TBC1D2B: variants seen among roughly 807,000 people sequenced by gnomAD.
The protein encoded by TBC1D2B is TBC1 domain family member 2B, also known as TBC1 domain family, member 2B.
TBC1D2B carries 64 observed loss-of-function variants against 100.8 expected under a neutral mutation model. That is an observed-to-expected ratio of 0.64 (90% CI 0.52 to 0.78). The LOEUF (loss-of-function observed/expected upper bound fraction) is 0.78. TBC1D2B is among the 30% of genes least tolerant of loss of function. The pLI, the probability that TBC1D2B is intolerant of heterozygous loss-of-function variation, is 0.00. For synonymous variants in TBC1D2B, 480 were observed against 479.7 expected, an observed-to-expected ratio of 1.00 and a Z score of -0.01; for missense variants, 1,052 against 1,218.4, an observed-to-expected ratio of 0.86 and a Z score of 2.03.
At chr15:78,028,774 C>G (rs2072735312) in intron 4 of TBC1D2B, among the ~76,000 whole-genome samples, 1 of 152,174 alleles carries the variant, frequency 6.6e-6, no homozygotes, top group South Asian at 2.1e-4. Flanking sequence ...GTTAAATGAC[C>G]CCACAGAAAT....
intron 9 of TBC1D2B, among the ~76,000 whole-genome samples, chr15:78,011,392 A>C (rs942425463): frequency 2.0e-5 from 3 of 152,216 alleles, no homozygotes; most frequent in African/African-American, 7.2e-5. Context: ...GTCAGCACTC[A>C]GAACTCCAGC....
chr15:78,037,076 A>T (rs540834791), intron 3 of TBC1D2B, among the ~76,000 whole-genome samples: 1 of 152,302 alleles, frequency 6.6e-6, no homozygotes, highest in East Asian at 1.9e-4. Context: ...CAAAGAAACC[A>T]AACATCTAAG....
In TBC1D2B at chr15:78,040,896, A is replaced by AAGAAAGAAAGAAAGAAAGAAAGAG. The variant is rs1273322028; in HGVS notation, c.683+4003_683+4004insCTCTTTCTTTCTTTCTTTCTTTCT. ...AAAGAAAGAAAGAGAGAGAGAGAGAAAGAAAGAAAGAAAGAAAAGGGAGGC... is the reference window on the plus strand; with the variant it reads ...AAAGAAAGAAAGAGAGAGAGAGAGAAAGAAAGAAAGAAAGAAAGAAAGAGAGAAAGAAAGAAAGAAAAGGGAGGC... On this transcript the variant is annotated intron_variant, in intron 3 of 12. Transcript: ENST00000300584. Among the ~76,000 whole-genome samples the AAGAAAGAAAGAAAGAAAGAAAGAG allele has an allele frequency of 2.7e-4, 39 of 145,324 alleles. No individual in the cohort carries two copies. The East Asian group carries it at 5.0e-3, about 19-fold the overall frequency.
intron 3 of TBC1D2B, among the ~76,000 whole-genome samples, chr15:78,041,229 C>T (rs979086889): frequency 1.3e-5 from 2 of 152,208 alleles, no homozygotes; most frequent in Non-Finnish European, 2.9e-5. Context: ...AACAACAATT[C>T]CTTTTTTATA....
At chr15:78,046,298 C>T (rs1334005422) in intron 2 of TBC1D2B, among the ~76,000 whole-genome samples, 2 of 152,202 alleles carry the variant, frequency 1.3e-5, no homozygotes, top group East Asian at 3.8e-4. Context: ...ACTGGTATTT[C>T]AGTGGTAGAA....
intron 11 of TBC1D2B, chr15:78,002,571 T>C (rs1452602837): frequency 6.6e-6 from 1 of 152,128 alleles, no homozygotes; most frequent in African/African-American, 2.4e-5. Context: ...CAAGCAGCTT[T>C]GGAACAAACT....
At chr15:78,031,551 C>A (rs2072809983) in intron 3 of TBC1D2B, among the ~76,000 whole-genome samples, 2 of 6,174 alleles carry the variant, frequency 3.2e-4, no homozygotes, top group Non-Finnish European at 2.9e-3. Flanking sequence ...AAGACTCTGT[C>A]TCCAAAAAAA....
chr15:78,014,241 C>T (rs1311947651), intron 8 of TBC1D2B, among the ~76,000 whole-genome samples: 1 of 152,202 alleles, frequency 6.6e-6, no homozygotes, highest in Non-Finnish European at 1.5e-5. Context: ...ACCTACAGAA[C>T]TATTAAGTGA....
At position 78,077,426 on chromosome 15, in the gene TBC1D2B, G is replaced by C; in HGVS notation, c.227C>G (p.Ala76Gly). 1 of 1,545,452 alleles carries C rather than the reference G, an allele frequency of 6.5e-7. No homozygotes were observed. Among genetic ancestry groups the C allele is most frequent in the Non-Finnish European group, 8.7e-7 (1 of 1,145,156 alleles). Residue 76 changes from alanine to glycine, a missense_variant, in exon 1 of 13, where the codon GCG (alanine) becomes GGG (glycine). Ala to Gly is a moderately conservative substitution (Grantham distance 60, BLOSUM62 0). Coordinates refer to ENST00000300584, the MANE Select transcript of TBC1D2B (RefSeq NM_144572.2). ...YLYYFKSPQD[A>G]LPLGHLDIAD... is the part of the protein sequence containing the mutation. Reference sequence around the variant, plus strand: ...GATGTCCAAGTGGCCGAGGGGCAGCGCGTCCTGCGGACTCTTGAAATAGTA... The same window carrying C: ...GATGTCCAAGTGGCCGAGGGGCAGCCCGTCCTGCGGACTCTTGAAATAGTA...
At chr15:78,068,513 CACTG>C (rs2073697718) in intron 1 of TBC1D2B, among the ~76,000 whole-genome samples, 1 of 152,062 alleles carries the variant, frequency 6.6e-6, no homozygotes, top group African/African-American at 2.4e-5. Context: ...TAGTGAAATA[CACTG>C]ACAAAATATC....
At chr15:78,057,397 T>C (rs756420440) in intron 1 of TBC1D2B, among the ~76,000 whole-genome samples, 14 of 151,894 alleles carry the variant, frequency 9.2e-5, no homozygotes, top group Non-Finnish European at 1.5e-4. Context: ...ATCTCAGCAC[T>C]TTGGGAGGCC....
At chr15:78,034,781 T>TC in intron 3 of TBC1D2B, 5 of 977,240 alleles carry the variant, frequency 5.1e-6, no homozygotes, top group Non-Finnish European at 6.1e-6. Flanking sequence ...AGTGAAAGCC[T>TC]CTTGAAGCTG....
Position 78,001,613 on chromosome 15 carries a change from ACT to A in TBC1D2B, c.2696+4_2696+5del. ...CCTTGACATCTGAGAACTCCCCAGGACTCACCTAGCATCAAGGATAGTGCGAG... is the reference window on the plus strand; with the variant it reads ...CCTTGACATCTGAGAACTCCCCAGGACACCTAGCATCAAGGATAGTGCGAG... On this transcript the variant is annotated splice_donor_5th_base_variant and intron_variant, in intron 12 of 12. Coordinates refer to ENST00000300584, the MANE Select transcript of TBC1D2B (RefSeq NM_144572.2). The A allele has an allele frequency of 6.2e-7, 1 of 1,607,734 alleles. No individual in the cohort carries two copies. Among genetic ancestry groups the A allele is most frequent in the Non-Finnish European group, 8.5e-7 (1 of 1,177,130 alleles).
chr15:78,033,362 T>A (rs1244592738), intron 3 of TBC1D2B, among the ~76,000 whole-genome samples: 1 of 152,016 alleles, frequency 6.6e-6, no homozygotes, highest in East Asian at 1.9e-4. Context: ...CCAAACAATA[T>A]AGGTAAGTCT....
At chr15:78,001,813 G>T in intron 11 of TBC1D2B, 73 bp from the exon 12 acceptor site, 3 of 1,509,082 alleles carry the variant, frequency 2.0e-6, no homozygotes, top group Non-Finnish European at 8.9e-7. Context: ...ACTCCAGGGG[G>T]GTGCTGGCCC....
chr15:78,004,496 G>C (rs2072014251), intron 10 of TBC1D2B, among the ~76,000 whole-genome samples: 1 of 152,224 alleles, frequency 6.6e-6, no homozygotes, highest in Non-Finnish European at 1.5e-5. Flanking sequence ...ACGCTATCCT[G>C]TCAGCCAGGG....
intron 1 of TBC1D2B, among the ~76,000 whole-genome samples, chr15:78,069,973 G>T (rs565007584): frequency 1.1e-4 from 17 of 152,264 alleles, no homozygotes; most frequent in Non-Finnish European, 2.1e-4. Flanking sequence ...TTTCACAGCA[G>T]CACAAATGGC....
chr15:78,069,956 G>A (rs1354406841), intron 1 of TBC1D2B, among the ~76,000 whole-genome samples: 3 of 152,144 alleles, frequency 2.0e-5, no homozygotes, highest in Admixed American at 6.5e-5. Flanking sequence ...CCCTGTCTAC[G>A]GTATTTTTTC....
chr15:78,001,622 G>C lies in TBC1D2B; in HGVS notation c.2693C>G (p.Ala898Gly). Residue 898 changes from alanine (A) to glycine (G), a missense_variant, in exon 12 of 13, where the codon GCT becomes GGT. This residue lies in a region of TBC1D2B where 373 missense variants were observed against 464.9 expected (regional missense o/e 0.80). Coordinates refer to ENST00000300584, the MANE Select transcript of TBC1D2B (RefSeq NM_144572.2). ...CTGAGAACTCCCCAGGACTCACCTA[G>C]CATCAAGGATAGTGCGAGTGAAGTA... ...LRYFTRTILD[A>G]RKLISISFGD... The C allele has an allele frequency of 6.2e-7, 1 of 1,608,824 alleles. No homozygotes were observed. Among genetic ancestry groups the C allele is most frequent in the Non-Finnish European group, 8.5e-7 (1 of 1,177,720 alleles).
Sources: allele counts gnomAD v4.1 joint callset (sites outside exome capture counted in the v4.1 genomes callset), GRCh38; gene constraint gnomAD v4.1.1; regional missense constraint gnomAD v4.1.1; transcripts MANE v1.5; gene names NCBI Gene and HGNC (gene_info 2026-07-23, HGNC 2026-07-21).